Variants in LANCL2 observed in about 807,000 individuals in gnomAD.
LANCL2 encodes the protein LanC like glutathione S-transferase 2.
Under a neutral mutation model 56.9 loss-of-function variants are expected in LANCL2, and 33 were observed. The ratio of observed to expected loss-of-function variants is 0.58; its 90% CI spans 0.44 to 0.78. The LOEUF (loss-of-function observed/expected upper bound fraction) is 0.78, where lower values mean the gene tolerates loss of function less well. Ranked by LOEUF, LANCL2 falls within the 30% of genes least tolerant of loss-of-function variation. The pLI, the probability that LANCL2 is intolerant of heterozygous loss-of-function variation, is 0.00. For synonymous variants in LANCL2, 233 were observed against 228.2 expected (o/e 1.02, Z -0.19); for missense variants, 562 against 580.2 (o/e 0.97, Z 0.32).
At chr7:55,369,636 C>T (rs1583738710) in intron 1 of LANCL2, among the ~76,000 whole-genome samples, 1 of 152,064 alleles carries the variant, frequency 6.6e-6, no homozygotes, top group Non-Finnish European at 1.5e-5. Flanking sequence ...TTGTTGTGGC[C>T]GTGGACTTAA....
At chr7:55,423,001 A>G (rs1390681009) in intron 6 of LANCL2, among the ~76,000 whole-genome samples, 3 of 152,114 alleles carry the variant, frequency 2.0e-5, no homozygotes, top group Non-Finnish European at 4.4e-5. Context: ...TTTCCTTTGC[A>G]TTGTGCTGTC....
At chr7:55,395,582 A>G (rs1191539616) in intron 2 of LANCL2, among the ~76,000 whole-genome samples, 1 of 152,224 alleles carries the variant, frequency 6.6e-6, no homozygotes, top group East Asian at 1.9e-4. Flanking sequence ...TGCTTAATAA[A>G]TAAGTGACTA....
In LANCL2 at chr7:55,380,186, T is replaced by C. The variant is rs1336817442; in HGVS notation, c.205-11607T>C. ...TTTAGTCTTGGGCAACTAATAAATA[T>C]AATGTCAAAGGGGAAAGTCGTATTC... On this transcript the variant is annotated intron_variant, in intron 1 of 8. Transcript: ENST00000254770. 1.7e-4 allele frequency among the ~76,000 whole-genome samples: 26 copies of C among 152,232 alleles called. 1 individual carries two copies. The highest frequency in any genetic ancestry group is 1.7e-3 in the Admixed American group (26 of 15,280).
intron 5 of LANCL2, among the ~76,000 whole-genome samples, chr7:55,402,448 G>A (rs1181115622): frequency 1.9e-4 from 26 of 134,412 alleles, no homozygotes; most frequent in African/African-American, 5.4e-4. Flanking sequence ...CCTCCCTCCC[G>A]GACGGGGCGG....
intron 1 of LANCL2, among the ~76,000 whole-genome samples, chr7:55,368,814 G>T (rs1042988481): frequency 6.6e-6 from 1 of 152,086 alleles, no homozygotes; most frequent in Non-Finnish European, 1.5e-5. Flanking sequence ...ACTGGAATAT[G>T]ATGGGCCCCT....
chr7:55,397,816 G>A (rs1790272861), intron 2 of LANCL2, among the ~76,000 whole-genome samples: 1 of 151,894 alleles, frequency 6.6e-6, no homozygotes, highest in Non-Finnish European at 1.5e-5. Flanking sequence ...AAAGGTTGGT[G>A]GGTGGTGAAC....
At chr7:55,376,912 C>T (rs985722174) in intron 1 of LANCL2, among the ~76,000 whole-genome samples, 74 of 152,186 alleles carry the variant, frequency 4.9e-4, no homozygotes, top group African/African-American at 1.7e-3. Flanking sequence ...TGCTAATCAT[C>T]TACATTTTAT....
intron 5 of LANCL2, among the ~76,000 whole-genome samples, chr7:55,406,376 G>A (rs532731667): frequency 6.6e-6 from 1 of 152,304 alleles, no homozygotes; most frequent in Admixed American, 6.5e-5. Flanking sequence ...GGTTGTTGAA[G>A]CCACAGAAGA....
Position 55,432,156 on chromosome 7 carries a change from C to G in LANCL2, c.*836C>G, listed in dbSNP as rs1790737309. On this transcript the variant is annotated 3_prime_UTR_variant, in exon 9 of 9. Coordinates refer to ENST00000254770, the MANE Select transcript of LANCL2 (RefSeq NM_018697.4). ...TATATGTTACTAAAACAGGCTCCAC[C>G]TCAGTTTATCAACATTATAAGTTAC... 1 of 152,186 alleles carries G rather than the reference C, an allele frequency of 6.6e-6. No homozygotes were observed. Among genetic ancestry groups the G allele is most frequent in the Admixed American group, 6.5e-5 (1 of 15,290 alleles). The allele number at this position is 152,186 out of a possible 1,614,324, so 9.4% of individuals were successfully genotyped here. A position where few individuals can be genotyped will look rare whatever the true frequency, so the allele number is the denominator to read the frequency against.
chr7:55,405,940 C>T (rs887791212), intron 5 of LANCL2, among the ~76,000 whole-genome samples: 7 of 152,124 alleles, frequency 4.6e-5, no homozygotes, highest in Non-Finnish European at 8.8e-5. Flanking sequence ...CCCTGCTGCA[C>T]GGTTCGTGGC....
chr7:55,395,148 T>C (rs1252824682), intron 2 of LANCL2, among the ~76,000 whole-genome samples: 1 of 152,148 alleles, frequency 6.6e-6, no homozygotes, highest in Non-Finnish European at 1.5e-5. Flanking sequence ...TTAACCATTT[T>C]CCCCTTCCAG....
intron 5 of LANCL2, among the ~76,000 whole-genome samples, chr7:55,403,437 G>A (rs529304292): frequency 7.3e-6 from 1 of 137,672 alleles, no homozygotes; most frequent in African/African-American, 3.4e-5. Context: ...ACCGTGGAAA[G>A]AGAGGGAGAG....
intron 5 of LANCL2, among the ~76,000 whole-genome samples, chr7:55,402,575 G>A (rs1302032122): frequency 6.3e-5 from 5 of 79,796 alleles, no homozygotes; most frequent in African/African-American, 1.6e-4. Flanking sequence ...CATCCTTCCC[G>A]GACGGGGCGG....
intron 2 of LANCL2, among the ~76,000 whole-genome samples, chr7:55,393,478 C>T (rs1790215169): frequency 6.6e-6 from 1 of 152,080 alleles, no homozygotes; most frequent in Admixed American, 6.5e-5. Flanking sequence ...TTGTAGTGAG[C>T]TGAGATCACA....
chr7:55,403,224 C>A (rs550192256), intron 5 of LANCL2, among the ~76,000 whole-genome samples: 1 of 152,282 alleles, frequency 6.6e-6, no homozygotes, highest in Non-Finnish European at 1.5e-5. Flanking sequence ...GCGGATCACT[C>A]GCGGTTAGGA....
intron 1 of LANCL2, among the ~76,000 whole-genome samples, chr7:55,390,709 A>G (rs1020339733): frequency 5.9e-5 from 9 of 151,810 alleles, no homozygotes; most frequent in African/African-American, 1.9e-4. Context: ...TGAACCCAGG[A>G]GGTGGAGGTT....
chr7:55,395,733 CTCT>C (rs1415598393), intron 2 of LANCL2, among the ~76,000 whole-genome samples: 1 of 152,230 alleles, frequency 6.6e-6, no homozygotes, highest in Non-Finnish European at 1.5e-5. Flanking sequence ...AACTAAACAG[CTCT>C]TCTTAGCTCC....
At chr7:55,403,084 A>G (rs1466075080) in intron 5 of LANCL2, among the ~76,000 whole-genome samples, 2 of 152,156 alleles carry the variant, frequency 1.3e-5, no homozygotes, top group Non-Finnish European at 1.5e-5. Context: ...GGGCCAAGGC[A>G]GGCAGCTGGG....
At position 55,369,922 on chromosome 7, in the gene LANCL2, C is replaced by G. The variant is rs536565398; in HGVS notation, c.204+3693C>G. On this transcript the variant is annotated intron_variant, in intron 1 of 8. Coordinates refer to ENST00000254770, the MANE Select transcript of LANCL2 (RefSeq NM_018697.4). ...TGAGAGGGCACTCGAGTAAAGGCCCCTGTGATTAGCTCTGTTGCTGTGTAA... is the reference window on the plus strand; with the variant it reads ...TGAGAGGGCACTCGAGTAAAGGCCCGTGTGATTAGCTCTGTTGCTGTGTAA... Among the ~76,000 whole-genome samples, 146 of 152,320 alleles carry G rather than the reference C, an allele frequency of 9.6e-4. 1 individual carries two copies. The highest frequency in any genetic ancestry group is 3.4e-3 in the African/African-American group (142 of 41,568).
Sources: allele counts gnomAD v4.1 joint callset (sites outside exome capture counted in the v4.1 genomes callset), GRCh38; gene constraint gnomAD v4.1.1; transcripts MANE v1.5; gene names NCBI Gene and HGNC (gene_info 2026-07-23, HGNC 2026-07-21).